Variants in TMPRSS15 observed in about 807,000 individuals in gnomAD.
TMPRSS15 encodes the protein transmembrane serine protease 15, also known as enteropeptidase.
Under a neutral mutation model 125.3 loss-of-function variants are expected in TMPRSS15, and 128 were observed. The ratio of observed to expected loss-of-function variants is 1.02; its 90% CI spans 0.89 to 1.18. The LOEUF is 1.18. Ranked by LOEUF, TMPRSS15 falls within the 50% of genes most tolerant of loss-of-function variation. The probability of loss-of-function intolerance (pLI) is 0.00; values close to 1 mark genes in which losing one functional copy is unlikely to be tolerated. For synonymous variants in TMPRSS15, 446 were observed against 423.2 expected (o/e 1.05, Z -0.66); for missense variants, 1,283 against 1,212.7 (o/e 1.06, Z -0.86).
At chr21:18,295,020 A>G (rs1205233605) in intron 19 of TMPRSS15, among the ~76,000 whole-genome samples, 3 of 152,216 alleles carry the variant, frequency 2.0e-5, no homozygotes, top group Non-Finnish European at 4.4e-5. Context: ...TAAATGATAG[A>G]TATTGTTATG....
upstream of TMPRSS15, among the ~76,000 whole-genome samples, chr21:18,404,305 A>G (rs1434539748): frequency 6.6e-6 from 1 of 152,224 alleles, no homozygotes; most frequent in Non-Finnish European, 1.5e-5. Context: ...AAGGCGTTCT[A>G]TGGCTACTCT....
At chr21:18,469,217 G>A (rs1225744108) in intron 1 of TMPRSS15, among the ~76,000 whole-genome samples, 3 of 152,104 alleles carry the variant, frequency 2.0e-5, no homozygotes, top group African/African-American at 7.2e-5. Context: ...GTAAATAAAT[G>A]TTTGTAATAA....
chr21:18,327,869 T>C (rs1289687624), intron 15 of TMPRSS15, among the ~76,000 whole-genome samples: 2 of 152,060 alleles, frequency 1.3e-5, no homozygotes, highest in East Asian at 1.9e-4. Flanking sequence ...GTGGCCAACA[T>C]GGTGAAACCC....
chr21:18,296,558 G>C (rs1229881878), intron 19 of TMPRSS15, among the ~76,000 whole-genome samples: 1 of 152,108 alleles, frequency 6.6e-6, no homozygotes, highest in Non-Finnish European at 1.5e-5. Context: ...GCATTTCGTT[G>C]ATAAGCATAG....
intron 21 of TMPRSS15, among the ~76,000 whole-genome samples, chr21:18,285,911 T>C (rs1375072697): frequency 1.3e-5 from 2 of 152,206 alleles, no homozygotes; most frequent in Non-Finnish European, 1.5e-5. Context: ...TTTTCATGAG[T>C]AAGGACAAGA....
At chr21:18,425,685 G>C (rs73895606) in intron 1 of TMPRSS15, among the ~76,000 whole-genome samples, 1 of 151,982 alleles carries the variant, frequency 6.6e-6, no homozygotes, top group Non-Finnish European at 1.5e-5. Flanking sequence ...AAGAACTTAT[G>C]AAAGCTTCAA....
upstream of TMPRSS15, among the ~76,000 whole-genome samples, chr21:18,408,203 A>G (rs2076157417): frequency 6.6e-6 from 1 of 152,190 alleles, no homozygotes; most frequent in Non-Finnish European, 1.5e-5. Flanking sequence ...TTCACAAATA[A>G]GTGGTTTTAT....
intron 3 of TMPRSS15, among the ~76,000 whole-genome samples, chr21:18,392,599 C>T (rs1191790473): frequency 6.6e-6 from 1 of 152,184 alleles, no homozygotes; most frequent in African/African-American, 2.4e-5. Context: ...GCCTGTTACC[C>T]AGTTCCAATG....
At chr21:18,395,146 T>G (rs922245134) in intron 3 of TMPRSS15, among the ~76,000 whole-genome samples, 1 of 152,190 alleles carries the variant, frequency 6.6e-6, no homozygotes, top group Non-Finnish European at 1.5e-5. Context: ...TATGGCCATT[T>G]AGCAAATGAA....
At chr21:18,452,369 A>G (rs1009881497) in intron 1 of TMPRSS15, among the ~76,000 whole-genome samples, 8 of 152,200 alleles carry the variant, frequency 5.3e-5, no homozygotes, top group Non-Finnish European at 7.4e-5. Flanking sequence ...AACATAATGT[A>G]ATATTAAAAT....
At position 18,432,099 on chromosome 21, in the gene TMPRSS15, T is replaced by C. The variant is rs143263957; in HGVS notation, c.11-33770A>G. Reference sequence around the variant, plus strand: ...AATAATTTGTAGCTTCCTGAATACATTTTGCTTTGTCATGAACTCATCCCT... The same window carrying C: ...AATAATTTGTAGCTTCCTGAATACACTTTGCTTTGTCATGAACTCATCCCT... On this transcript the variant is annotated intron_variant, in intron 1 of 7. Transcript: ENST00000422787. Among the ~76,000 whole-genome samples, 391 of 152,292 alleles carry C rather than the reference T, an allele frequency of 2.6e-3. 10 individuals carry two copies. The highest frequency in any genetic ancestry group is 2.8e-4 in the Non-Finnish European group (19 of 68,010).
rs1195277075 is a variant in TMPRSS15, at chr21:18,343,642, C to A, written c.1292G>T (p.Gly431Val). ...ACLSFWYHMY[G>V]ENVHKLSINI... ...AATGCTTAATTTATGGACATTTTCACCATACATATGATACCTAGTTTGGAA... is the reference window on the plus strand; with the variant it reads ...AATGCTTAATTTATGGACATTTTCAACATACATATGATACCTAGTTTGGAA... Residue 431 changes from glycine to valine, a missense_variant, in exon 12 of 25, where the codon GGT (glycine) becomes GTT (valine). Transcript: ENST00000284885. 8 of 1,613,492 alleles carry A rather than the reference C, an allele frequency of 5.0e-6. No individual in the cohort carries two copies. The South Asian group carries it at 8.8e-5, about 18-fold the overall frequency.
At chr21:18,382,711 T>C (rs2075903785) in intron 4 of TMPRSS15, among the ~76,000 whole-genome samples, 1 of 152,132 alleles carries the variant, frequency 6.6e-6, no homozygotes, top group African/African-American at 2.4e-5. Context: ...TCCAAAAATT[T>C]CTGAATTCCA....
Position 18,379,284 on chromosome 21 carries a change from TG to T in TMPRSS15, c.530del (p.Pro177GlnfsTer6). The part of the protein sequence containing the change: ...KLTTTSHLAT[P>X]GNVSIECLPG... ...AATAATAATATTATTAAAACTGACC[TG>T]GAGTTGCCAGATGACTGGTGGTTGT... is the stretch of plus-strand genomic sequence containing the variant. On this transcript the variant is annotated frameshift_variant and splice_region_variant, in exon 5 of 25. Coordinates refer to ENST00000284885, the MANE Select transcript of TMPRSS15 (RefSeq NM_002772.3). LOFTEE classifies it high-confidence loss of function. 1 of 1,320,614 alleles carries T rather than the reference TG, an allele frequency of 7.6e-7. No individual in the cohort carries two copies. Among genetic ancestry groups the T allele is most frequent in the Non-Finnish European group, 9.9e-7 (1 of 1,006,660 alleles). 81.8% of individuals were successfully genotyped at this position (1,320,614 alleles called of 1,614,324 possible).
At chr21:18,299,219 T>C (rs2074938545) in intron 18 of TMPRSS15, among the ~76,000 whole-genome samples, 1 of 152,190 alleles carries the variant, frequency 6.6e-6, no homozygotes, top group Non-Finnish European at 1.5e-5. Context: ...TAAAATGTAT[T>C]TGCTATGGCT....
At chr21:18,485,177 T>C (rs1979055686) in intron 1 of TMPRSS15, among the ~76,000 whole-genome samples, 1 of 151,934 alleles carries the variant, frequency 6.6e-6, no homozygotes, top group Admixed American at 6.6e-5. Flanking sequence ...GTAAACAAAA[T>C]GAATACCATT....
At chr21:18,403,217 T>A (rs2076113093) in intron 1 of TMPRSS15, among the ~76,000 whole-genome samples, 1 of 152,206 alleles carries the variant, frequency 6.6e-6, no homozygotes, top group South Asian at 2.1e-4. Context: ...TAAAAACTAC[T>A]CAGTCTCATG....
At chr21:18,343,425 AT>A (rs1330779244) in intron 12 of TMPRSS15, 80 bp downstream of exon 12, 30 of 1,299,238 alleles carry the variant, frequency 2.3e-5, no homozygotes, top group Non-Finnish European at 3.2e-5. Flanking sequence ...AAATACATTA[AT>A]TTTTTCACTG....
intron 1 of TMPRSS15, among the ~76,000 whole-genome samples, chr21:18,427,743 G>A (rs1337893419): frequency 1.3e-5 from 2 of 152,164 alleles, no homozygotes; most frequent in Non-Finnish European, 2.9e-5. Flanking sequence ...AAACACCTCA[G>A]TGTTTCAAAT....
Sources: gnomAD v4.1 joint callset for allele counts (sites outside exome capture counted in the v4.1 genomes callset) on GRCh38, gnomAD v4.1.1 for gene constraint, MANE v1.5 for transcripts, NCBI Gene and HGNC (gene_info 2026-07-23, HGNC 2026-07-21) for gene names.